SPAG16: variants seen among roughly 807,000 people sequenced by gnomAD.
SPAG16 encodes sperm associated antigen 16.
SPAG16 carries 86 observed loss-of-function variants against 80.4 expected under a neutral mutation model. The observed-to-expected ratio is 1.07, with a 90% CI of 0.90 to 1.28. The LOEUF (loss-of-function observed/expected upper bound fraction) is 1.28, where lower values mean the gene tolerates loss of function less well. SPAG16 is among the 50% of genes most tolerant of loss of function. SPAG16 has a pLI of 0.00. For missense variants in SPAG16, 870 were observed against 765.3 expected (o/e 1.14, Z -1.61); for synonymous variants, 294 against 265.9 (o/e 1.11, Z -1.03).
intron 14 of SPAG16, among the ~76,000 whole-genome samples, chr2:214,137,295 A>AT (rs1229990655): frequency 1.3e-5 from 2 of 152,098 alleles, no homozygotes; most frequent in African/African-American, 4.8e-5. Flanking sequence ...TTTTTTCGTC[A>AT]TTAATAATCT....
At chr2:213,702,484 A>C (rs921283743) in intron 10 of SPAG16, among the ~76,000 whole-genome samples, 19 of 152,136 alleles carry the variant, frequency 1.2e-4, no homozygotes, top group African/African-American at 3.9e-4. Flanking sequence ...AAAAGGAACA[A>C]ACAACTCCAG....
At chr2:214,196,043 C>T (rs891465479) in intron 15 of SPAG16, among the ~76,000 whole-genome samples, 1 of 151,834 alleles carries the variant, frequency 6.6e-6, no homozygotes, top group African/African-American at 2.4e-5. Flanking sequence ...GTTACCAGAA[C>T]CAGAATCGCC....
intron 10 of SPAG16, among the ~76,000 whole-genome samples, chr2:213,714,204 C>A (rs573328827): frequency 4.6e-5 from 7 of 152,274 alleles, no homozygotes; most frequent in African/African-American, 1.7e-4. Flanking sequence ...ACAAACAACT[C>A]GAGGACAATA....
intron 9 of SPAG16, among the ~76,000 whole-genome samples, chr2:213,406,821 G>A (rs570278398): frequency 2.0e-5 from 3 of 151,852 alleles, no homozygotes; most frequent in East Asian, 1.9e-4. Context: ...CCTCCAGGAC[G>A]GTCTCTCCTC....
intron 13 of SPAG16, among the ~76,000 whole-genome samples, chr2:214,025,358 T>C (rs1368806804): frequency 5.3e-5 from 8 of 151,652 alleles, no homozygotes; most frequent in Non-Finnish European, 8.9e-5. Flanking sequence ...GTATAGTGTT[T>C]ATTTGACCTA....
intron 10 of SPAG16, among the ~76,000 whole-genome samples, chr2:213,590,929 GAAAATATGTTATCT>G (rs76606712): frequency 0.27 from 40,889 of 152,020 alleles, 6,383 homozygotes; most frequent in Middle Eastern, 0.42. Flanking sequence ...ATTGGTTAAA[GAAAATATGTTATCT>G]ATACACCATA....
intron 13 of SPAG16, among the ~76,000 whole-genome samples, chr2:214,085,493 T>A (rs1354641206): frequency 6.6e-6 from 1 of 152,092 alleles, no homozygotes; most frequent in Non-Finnish European, 1.5e-5. Flanking sequence ...AGGGCAATGG[T>A]CCTAGCAACA....
chr2:213,742,547 C>CTTTTTTTGTTTTTTTT (rs1559428496), intron 10 of SPAG16, among the ~76,000 whole-genome samples: 2 of 24,812 alleles, frequency 8.1e-5, no homozygotes, highest in African/African-American at 6.4e-5. Context: ...TTGCTTATTT[C>CTTTTTTTGTTTTTTTT]TTTTTTTTTT....
At chr2:214,173,480 A>G (rs533248525) in intron 15 of SPAG16, among the ~76,000 whole-genome samples, 4 of 152,182 alleles carry the variant, frequency 2.6e-5, no homozygotes, top group Admixed American at 6.6e-5. Context: ...TACCAGTACC[A>G]TGCTGTTTTG....
intron 10 of SPAG16, among the ~76,000 whole-genome samples, chr2:213,834,666 C>T (rs1168130729): frequency 6.6e-6 from 1 of 152,014 alleles, no homozygotes; most frequent in African/African-American, 2.4e-5. Context: ...GGGTCTATGA[C>T]ATATCTTTTG....
intron 15 of SPAG16, among the ~76,000 whole-genome samples, chr2:214,346,826 C>T (rs911757975): frequency 6.6e-6 from 1 of 152,180 alleles, no homozygotes; most frequent in Non-Finnish European, 1.5e-5. Flanking sequence ...ACTCACAACA[C>T]TAGCTCATTC....
intron 9 of SPAG16, among the ~76,000 whole-genome samples, chr2:213,474,824 C>T (rs755932718): frequency 2.6e-5 from 4 of 152,208 alleles, no homozygotes; most frequent in Non-Finnish European, 4.4e-5. Context: ...TGGTGCCCAC[C>T]CAGATTAAGA....
At chr2:214,268,760 T>TGG (rs757724685) in intron 15 of SPAG16, among the ~76,000 whole-genome samples, 4 of 151,610 alleles carry the variant, frequency 2.6e-5, no homozygotes, top group Non-Finnish European at 4.4e-5. Flanking sequence ...TGTGTGTGTG[T>TGG]GGGTGTGTAT....
At chr2:213,865,062 A>G (rs1038938522) in intron 11 of SPAG16, among the ~76,000 whole-genome samples, 5 of 152,098 alleles carry the variant, frequency 3.3e-5, no homozygotes, top group South Asian at 2.1e-4. Flanking sequence ...ACTTCAAGGT[A>G]TCTCTCTCAA....
chr2:214,114,559 G>T (rs1178815609), intron 14 of SPAG16, among the ~76,000 whole-genome samples: 1 of 152,212 alleles, frequency 6.6e-6, no homozygotes, highest in Non-Finnish European at 1.5e-5. Context: ...ATCTCAGACT[G>T]CTGTACTAGC....
intron 13 of SPAG16, among the ~76,000 whole-genome samples, chr2:214,048,109 C>A (rs2049439622): frequency 6.6e-6 from 1 of 152,082 alleles, no homozygotes; most frequent in South Asian, 2.1e-4. Context: ...TAAATTAATA[C>A]AACCGCTATA....
Position 213,572,781 on chromosome 2 carries a change from T to C in SPAG16, c.1070+82691T>C, listed in dbSNP as rs920025916. ...TGGGCTCTACCCAGTTCGAGCTTCCTGGCTGCTTTGTTTACCTAAGCAAGC... is the reference window on the plus strand; with the variant it reads ...TGGGCTCTACCCAGTTCGAGCTTCCCGGCTGCTTTGTTTACCTAAGCAAGC... On this transcript the variant is annotated intron_variant, in intron 10 of 15. Coordinates refer to ENST00000331683, the MANE Select transcript of SPAG16 (RefSeq NM_024532.5). Among the ~76,000 whole-genome samples the C allele has an allele frequency of 3.6e-4, 55 of 152,232 alleles. 1 individual carries two copies. The highest frequency in any genetic ancestry group is 1.0e-3 in the South Asian group (5 of 4,826).
At chr2:213,976,382 T>G (rs551752286) in intron 12 of SPAG16, among the ~76,000 whole-genome samples, 26 of 151,700 alleles carry the variant, frequency 1.7e-4, no homozygotes, top group African/African-American at 6.0e-4. Flanking sequence ...AGAGAGCAGA[T>G]ACATATAAAT....
At chr2:214,388,564 G>T (rs549467769) in intron 15 of SPAG16, among the ~76,000 whole-genome samples, 7 of 152,270 alleles carry the variant, frequency 4.6e-5, no homozygotes, top group African/African-American at 1.7e-4. Flanking sequence ...CATCAAGACA[G>T]AATTAAGTCA....
Sources: gnomAD v4.1 joint callset for allele counts (sites outside exome capture counted in the v4.1 genomes callset) on GRCh38, gnomAD v4.1.1 for gene constraint, MANE v1.5 for transcripts, NCBI Gene and HGNC (gene_info 2026-07-23, HGNC 2026-07-21) for gene names.